The following GATA6 variants were observed in gnomAD, a reference collection of about 807,000 sequenced individuals.
The protein encoded by GATA6 is GATA binding protein 6, also known as transcription factor GATA-6.
A neutral mutation model predicts 48.1 loss-of-function variants in GATA6; 11 were observed. The observed-to-expected ratio is 0.23, with a 90% CI of 0.14 to 0.38. The LOEUF is 0.38. GATA6 is among the 10% of genes least tolerant of loss of function. The pLI is 1.00. For missense variants in GATA6, 795 were observed against 850.3 expected, an observed-to-expected ratio of 0.93 and a Z score of 0.81; for synonymous variants, 419 against 396.1, an observed-to-expected ratio of 1.06 and a Z score of -0.69.
chr18:22,188,800 T>G (rs1414103743), intron 6 of GATA6, among the ~76,000 whole-genome samples: 1 of 152,202 alleles, frequency 6.6e-6, no homozygotes, highest in East Asian at 1.9e-4. Flanking sequence ...CAGCTGATTC[T>G]ATGCGCTGAC....
chr18:22,172,040 G>T lies in GATA6; in HGVS notation c.896G>T (p.Ser299Ile). Residue 299 changes from serine to isoleucine, a missense_variant, in exon 2 of 7, where the codon AGC (serine) becomes ATC (isoleucine). This residue lies in a region of GATA6 where 591 missense variants were observed against 570.0 expected (regional missense o/e 1.04). Transcript: ENST00000269216. This position sits in a 1 kb window ranked among gnomAD's most constrained non-coding sequence, Gnocchi z 5.2. ...GGAGGCGTGAGCGGCGGCGGCAGTA[G>T]CCTGGCGGCCATGGGCGGCCGCGAG... is the stretch of plus-strand genomic sequence containing the variant. ...GAGGVSGGGS[S>I]LAAMGGREPQ... 1 of 1,264,124 alleles carries T rather than the reference G, an allele frequency of 7.9e-7. No individual in the cohort carries two copies. The highest frequency in any genetic ancestry group is 3.1e-5 in the South Asian group (1 of 32,332). 78.3% of individuals were successfully genotyped at this position (1,264,124 alleles called of 1,614,324 possible).
rs2033469626 is a variant in GATA6, at chr18:22,202,047, A to G, written c.*1224A>G. The G allele has an allele frequency of 6.6e-6, 1 of 152,234 alleles. No homozygotes were observed. The allele number at this position is 152,234 out of a possible 1,614,324, so 9.4% of individuals were successfully genotyped here. A position where few individuals can be genotyped will look rare whatever the true frequency, so the allele number is the denominator to read the frequency against. ...TGTATGTGACTATAGATATTCATAT[A>G]AAACAAGTGCACGTGAAGTTTGCAA... is the stretch of plus-strand genomic sequence containing the variant. On this transcript the variant is annotated 3_prime_UTR_variant, in exon 7 of 7. Transcript: ENST00000269216.
Position 22,181,474 on chromosome 18 carries a change from T to C in GATA6, c.1324T>C (p.Leu442=), listed in dbSNP as rs2033195159. The C allele has an allele frequency of 6.2e-7, 1 of 1,614,220 alleles. No homozygotes were observed. The highest frequency in any genetic ancestry group is 8.5e-7 in the Non-Finnish European group (1 of 1,180,034). The change falls in exon 4 of 7, where the codon TTG becomes CTG. Residue 442 remains leucine (L), a synonymous_variant. Coordinates refer to ENST00000269216, the MANE Select transcript of GATA6 (RefSeq NM_005257.6). ...KRVPSSRRLG[L]SCANCHTTTT... is the part of the protein sequence containing the mutation. ...CTAGCCTTCATCACGGCGGCTTGGATTGTCCTGTGCCAACTGTCACACCAC... is the reference window on the plus strand; with the variant it reads ...CTAGCCTTCATCACGGCGGCTTGGACTGTCCTGTGCCAACTGTCACACCAC...
Position 22,200,975 on chromosome 18 carries a change from T to A in GATA6, c.*152T>A. 2.1e-6 allele frequency: 2 copies of A among 956,246 alleles called. No homozygotes were observed. The highest frequency in any genetic ancestry group is 4.9e-5 in the Admixed American group (2 of 40,894). The allele number at this position is 956,246 out of a possible 1,614,324, so 59.2% of individuals were successfully genotyped here. ...AAAGAGATGTTTTTCCCAAGAGGCT[T>A]GCTGAAAGAGTGAGAGAAGATGGAA... On this transcript the variant is annotated 3_prime_UTR_variant, in exon 7 of 7. Transcript: ENST00000269216.
rs1177842234 is a variant in GATA6 at position 22,201,778 on chromosome 18, A to G, written c.*955A>G. ...ATTTTACTGTGGAATATGTGCTGGAAAAATTGCAACAACACTTTACTACCT... is the reference window on the plus strand; with the variant it reads ...ATTTTACTGTGGAATATGTGCTGGAGAAATTGCAACAACACTTTACTACCT... On this transcript the variant is annotated 3_prime_UTR_variant, in exon 7 of 7. Transcript: ENST00000269216. 2 of 152,650 alleles carry G rather than the reference A, an allele frequency of 1.3e-5. No homozygotes were observed. Among genetic ancestry groups the G allele is most frequent in the African/African-American group, 4.8e-5 (2 of 41,460 alleles). 9.5% of individuals were successfully genotyped at this position (152,650 alleles called of 1,614,324 possible).
intron 6 of GATA6, among the ~76,000 whole-genome samples, chr18:22,196,156 T>C (rs2033386445): frequency 6.6e-6 from 1 of 152,208 alleles, no homozygotes; most frequent in South Asian, 2.1e-4. Flanking sequence ...TATGTACACA[T>C]AAAATAAGGC....
chr18:22,172,236 C>T lies in GATA6; in HGVS notation c.1092C>T (p.Ser364=). 1 of 1,534,098 alleles carries T rather than the reference C, an allele frequency of 6.5e-7. No homozygotes were observed. Among genetic ancestry groups the T allele is most frequent in the Non-Finnish European group, 8.7e-7 (1 of 1,146,224 alleles). The part of the protein sequence containing the change: ...FETPVLHSLQ[S]RAGAPLPVPR... ...CCCCGGTGCTGCACAGCCTGCAGAG[C>T]CGCGCCGGAGCCCCGCTCCCGGTGC... Residue 364 remains serine (S), a synonymous_variant, in exon 2 of 7, where the codon AGC becomes AGT. Coordinates refer to ENST00000269216, the MANE Select transcript of GATA6 (RefSeq NM_005257.6). The surrounding 1 kb of genome is among the most constrained non-coding windows in gnomAD (Gnocchi z 5.2).
chr18:22,179,721 A>G (rs1023952267), intron 3 of GATA6, among the ~76,000 whole-genome samples: 2 of 152,232 alleles, frequency 1.3e-5, no homozygotes, highest in Non-Finnish European at 2.9e-5. Flanking sequence ...AGTTTTGTTA[A>G]TATGTTGTCA....
At chr18:22,177,952 G>GTTTTTTTTTTTTTTTT (rs775374335) in intron 3 of GATA6, among the ~76,000 whole-genome samples, 6 of 80,500 alleles carry the variant, frequency 7.5e-5, no homozygotes, top group Admixed American at 1.3e-4. Context: ...CTGTTTTTTT[G>GTTTTTTTTTTTTTTTT]TTTTTTTTTT....
chr18:22,184,639 C>T (rs1292339293), intron 6 of GATA6, among the ~76,000 whole-genome samples: 2 of 151,978 alleles, frequency 1.3e-5, no homozygotes, highest in Non-Finnish European at 2.9e-5. Context: ...GAATTACAGG[C>T]ATACACCAAC....
chr18:22,173,055 T>G (rs913155225), intron 2 of GATA6, among the ~76,000 whole-genome samples: 2 of 152,222 alleles, frequency 1.3e-5, no homozygotes, highest in Admixed American at 6.5e-5. Context: ...CCCTTCGAAG[T>G]TTAGCCCGCC....
intron 6 of GATA6, 91 bp downstream of exon 6, chr18:22,183,134 C>T: frequency 1.0e-6 from 1 of 994,310 alleles, no homozygotes; most frequent in South Asian, 1.3e-5. Flanking sequence ...GTACAATAAT[C>T]TAAACCAACA....
rs2033454988 is a variant in GATA6 at position 22,200,930 on chromosome 18, ATTCT to A, written c.*108_*111del. On this transcript the variant is annotated 3_prime_UTR_variant, in exon 7 of 7. Transcript: ENST00000269216. ...GTGGCGACTGCGCTGACAGAACGTG[ATTCT>A]CGTGCCTTTATTTTGAAAGAGATGT... The A allele has an allele frequency of 8.6e-7, 1 of 1,161,578 alleles. No individual in the cohort carries two copies. Among genetic ancestry groups the A allele is most frequent in the Admixed American group, 2.3e-5 (1 of 43,302 alleles). 72.0% of individuals were successfully genotyped at this position (1,161,578 alleles called of 1,614,324 possible). A position where few individuals can be genotyped will look rare whatever the true frequency, so the allele number is the denominator to read the frequency against.
chr18:22,199,389 T>C (rs1053462415), intron 6 of GATA6, among the ~76,000 whole-genome samples: 11 of 152,166 alleles, frequency 7.2e-5, no homozygotes, highest in Non-Finnish European at 1.3e-4. Context: ...GAATAAGAGC[T>C]CCTGAACTTT....
At chr18:22,184,059 T>A (rs1345287113) in intron 6 of GATA6, among the ~76,000 whole-genome samples, 1 of 152,220 alleles carries the variant, frequency 6.6e-6, no homozygotes, top group East Asian at 1.9e-4. Flanking sequence ...TCTCTGGGTG[T>A]GGGACTTGGA....
chr18:22,198,437 T>C (rs2033418552), intron 6 of GATA6, among the ~76,000 whole-genome samples: 1 of 152,340 alleles, frequency 6.6e-6, no homozygotes, highest in East Asian at 1.9e-4. Context: ...GGCACTTCCC[T>C]GCCATTTGAG....
chr18:22,200,921 C>A lies in GATA6; in HGVS notation c.*98C>A. On this transcript the variant is annotated 3_prime_UTR_variant, in exon 7 of 7. Transcript: ENST00000269216. ...GTCCAGACAGTGGCGACTGCGCTGA[C>A]AGAACGTGATTCTCGTGCCTTTATT... is the stretch of plus-strand genomic sequence containing the variant. The A allele has an allele frequency of 3.2e-6, 4 of 1,251,676 alleles. No individual in the cohort carries two copies. The highest frequency in any genetic ancestry group is 4.5e-6 in the Non-Finnish European group (4 of 897,742). 77.5% of individuals were successfully genotyped at this position (1,251,676 alleles called of 1,614,324 possible).
At chr18:22,176,794 A>G (rs1031338546) in intron 2 of GATA6, 161 bp from the exon 3 acceptor site, 2 of 792,870 alleles carry the variant, frequency 2.5e-6, no homozygotes, top group Non-Finnish European at 1.9e-6. Flanking sequence ...TGACGAAATA[A>G]CCCTGCTCCT....
At chr18:22,184,889 G>A (rs775260550) in intron 6 of GATA6, among the ~76,000 whole-genome samples, 9 of 152,104 alleles carry the variant, frequency 5.9e-5, no homozygotes, top group African/African-American at 1.7e-4. Flanking sequence ...GGAGGGAGCC[G>A]CCTCTCTCCT....
Sources: gnomAD v4.1 joint callset for allele counts (sites outside exome capture counted in the v4.1 genomes callset) on GRCh38, gnomAD v4.1.1 for gene constraint, gnomAD v4.1.1 regional missense constraint, Gnocchi (gnomAD v3.1) non-coding constraint, MANE v1.5 for transcripts, NCBI Gene and HGNC (gene_info 2026-07-23, HGNC 2026-07-21) for gene names.